Variants in SPG11 observed in about 807,000 individuals in gnomAD.
SPG11 encodes SPG11 vesicle trafficking associated, spatacsin.
A neutral mutation model predicts 274.0 loss-of-function variants in SPG11; 222 were observed. That is an observed-to-expected ratio of 0.81 (90% CI 0.73 to 0.91). SPG11 has a LOEUF of 0.91. Ranked by LOEUF, SPG11 falls within the 40% of genes least tolerant of loss-of-function variation. The pLI is 0.00. For synonymous variants in SPG11, 1,144 were observed against 1,039.7 expected, an observed-to-expected ratio of 1.10 and a Z score of -1.93; for missense variants, 3,114 against 2,872.7, an observed-to-expected ratio of 1.08 and a Z score of -1.92.
At position 44,598,246 on chromosome 15, in the gene SPG11, G is replaced by A. The variant is rs2083093591; in HGVS notation, c.4001+19C>T. 1.3e-6 allele frequency: 2 copies of A among 1,574,256 alleles called. No homozygotes were observed. Among genetic ancestry groups the A allele is most frequent in the Non-Finnish European group, 1.7e-6 (2 of 1,143,754 alleles). ...CAATAAGCTTGTTAGAAAAGAGGCT[G>A]AGACTGCAACTCACAAACCTCTTTA... On this transcript the variant is annotated intron_variant, in intron 23 of 39. Coordinates refer to ENST00000261866, the MANE Select transcript of SPG11 (RefSeq NM_025137.4).
Position 44,598,661 on chromosome 15 carries a change from C to T in SPG11, c.3862G>A (p.Ala1288Thr). 1.2e-6 allele frequency: 2 copies of T among 1,614,218 alleles called. No individual in the cohort carries two copies. The highest frequency in any genetic ancestry group is 1.7e-6 in the Non-Finnish European group (2 of 1,180,028). ...GACTCTCTGATAAAGCTGTACTGAG[C>T]ATCTTCATTTCTGCACTTGTAGCTC... ...ILSYKCRNED[A>T]QYSFIRESVA... The change falls in exon 22 of 40, where the codon GCT becomes ACT. Residue 1288 changes from alanine to threonine, a missense_variant. Transcript: ENST00000261866.
At chr15:44,660,167 CAT>C (rs1181779563) in intron 2 of SPG11, among the ~76,000 whole-genome samples, 3 of 152,050 alleles carry the variant, frequency 2.0e-5, no homozygotes, top group African/African-American at 7.2e-5. Context: ...CAAAGTATTT[CAT>C]ATTTTGAAAT....
chr15:44,608,106 C>T (rs1471659983), intron 19 of SPG11, among the ~76,000 whole-genome samples: 1 of 152,116 alleles, frequency 6.6e-6, no homozygotes, highest in Non-Finnish European at 1.5e-5. Flanking sequence ...CCTTCATTTT[C>T]CTGGGGCATC....
rs776992288 is a variant in SPG11, at chr15:44,663,525, G to A, written c.123C>T (p.Leu41=). 2 of 1,597,728 alleles carry A rather than the reference G, an allele frequency of 1.3e-6. No homozygotes were observed. The highest frequency in any genetic ancestry group is 1.7e-6 in the Non-Finnish European group (2 of 1,173,150). ...GTGTGCGCAGCTGCGCCCGGGAGCC[G>A]AGCTGCCCCATCGCCTCGGCGGGGA... ...VPVPAEAMGQ[L]GSRAQLRTQP... The change falls in exon 1 of 40, where the codon CTC becomes CTT. Residue 41 remains leucine (L), a synonymous_variant. Coordinates refer to ENST00000261866, the MANE Select transcript of SPG11 (RefSeq NM_025137.4).
At chr15:44,625,688 T>A (rs2083878927) in intron 11 of SPG11, among the ~76,000 whole-genome samples, 1 of 152,148 alleles carries the variant, frequency 6.6e-6, no homozygotes, top group Non-Finnish European at 1.5e-5. Context: ...ATTTATTTAG[T>A]TACTTTTTGA....
At chr15:44,661,617 TA>T (rs917437879) in intron 1 of SPG11, among the ~76,000 whole-genome samples, 8 of 151,760 alleles carry the variant, frequency 5.3e-5, no homozygotes, top group East Asian at 1.9e-4. Context: ...CCTTATTAGG[TA>T]AAAAAAAGAC....
At position 44,622,324 on chromosome 15, in the gene SPG11, AT is replaced by A. The variant is rs1454768655; in HGVS notation, c.2339del (p.Asn780IlefsTer11). On this transcript the variant is annotated frameshift_variant, in exon 13 of 40. Coordinates refer to ENST00000261866, the MANE Select transcript of SPG11 (RefSeq NM_025137.4). LOFTEE classifies it high-confidence loss of function. ...TTCTTTTCTCTTTTTCAGAAAAATA[AT>A]TTTTTTCTTTTAAAATTTCAACCTT... ...DFLVEILKEK[N>X]YFSEKEKRTI... 7 of 1,554,870 alleles carry A rather than the reference AT, an allele frequency of 4.5e-6. No individual in the cohort carries two copies. Among genetic ancestry groups the A allele is most frequent in the Non-Finnish European group, 6.2e-6 (7 of 1,136,066 alleles).
Position 44,606,025 on chromosome 15 carries a change from C to T in SPG11, c.3520G>A (p.Asp1174Asn). 2 of 1,613,246 alleles carry T rather than the reference C, an allele frequency of 1.2e-6. No homozygotes were observed. Among genetic ancestry groups the T allele is most frequent in the South Asian group, 1.1e-5 (1 of 91,040 alleles). The change falls in exon 20 of 40, where the codon GAT (aspartate) becomes AAT (asparagine). Residue 1174 changes from aspartate to asparagine, a missense_variant and splice_region_variant. By Grantham distance (23) the Asp-to-Asn change is conservative. Transcript: ENST00000261866. ...WQSANTLAIG[D>N]AWSHLPHFSS... Reference sequence around the variant, plus strand: ...TCAAGAAGTACCCATGATGACTTACCTCCTATAGCTAGTGTGTTAGCAGAC... The same window carrying T: ...TCAAGAAGTACCCATGATGACTTACTTCCTATAGCTAGTGTGTTAGCAGAC...
rs543168435 is a variant in SPG11, at chr15:44,598,249, A to G, written c.4001+16T>C. The stretch of plus-strand genomic sequence containing the variant: ...TAAGCTTGTTAGAAAAGAGGCTGAG[A>G]CTGCAACTCACAAACCTCTTTATTT... On this transcript the variant is annotated intron_variant, in intron 23 of 39. Coordinates refer to ENST00000261866, the MANE Select transcript of SPG11 (RefSeq NM_025137.4). 1 of 1,580,662 alleles carries G rather than the reference A, an allele frequency of 6.3e-7. No homozygotes were observed. The highest frequency in any genetic ancestry group is 1.3e-5 in the African/African-American group (1 of 74,438).
At chr15:44,636,948 AAAAAAAAAAC>A (rs2084287957) in intron 7 of SPG11, among the ~76,000 whole-genome samples, 25 of 130,986 alleles carry the variant, frequency 1.9e-4, no homozygotes, top group Middle Eastern at 3.7e-3. Flanking sequence ...AAAAAAAAAA[AAAAAAAAAAC>A]AAAAAAAAAA....
intron 20 of SPG11, among the ~76,000 whole-genome samples, chr15:44,601,845 G>A (rs942217692): frequency 7.9e-5 from 12 of 151,926 alleles, no homozygotes; most frequent in South Asian, 4.1e-4. Context: ...AGGCATGAGC[G>A]TGAGCCACTG....
chr15:44,604,041 C>T, intron 20 of SPG11: 1 of 357,512 alleles, frequency 2.8e-6, no homozygotes, highest in Non-Finnish European at 5.5e-6. Context: ...CACTTACTAC[C>T]TATTTTTTAA....
intron 33 of SPG11, chr15:44,572,456 G>A (rs2082443602): frequency 1.8e-6 from 1 of 547,714 alleles, no homozygotes; most frequent in Non-Finnish European, 3.3e-6. Context: ...TAAGTATGTT[G>A]AGTAAAGGTT....
chr15:44,575,185 G>T, intron 30 of SPG11, 144 bp from the exon 31 acceptor site: 1 of 984,192 alleles, frequency 1.0e-6, no homozygotes, highest in Non-Finnish European at 1.5e-6. Flanking sequence ...TGCTGACAGG[G>T]CCCCACCTCA....
intron 2 of SPG11, 122 bp downstream of exon 2, chr15:44,660,307 GCCT>G: frequency 1.3e-6 from 1 of 773,716 alleles, no homozygotes; most frequent in South Asian, 1.5e-5. Flanking sequence ...AGCCCCATCT[GCCT>G]AGTGACTACT....
chr15:44,614,436 C>G (rs1462031884), intron 16 of SPG11, among the ~76,000 whole-genome samples: 1 of 152,196 alleles, frequency 6.6e-6, no homozygotes, highest in African/African-American at 2.4e-5. Context: ...ATTGCCCAGG[C>G]TGATCTTGAA....
chr15:44,606,018 GAC>G lies in SPG11; in HGVS notation c.3520+5_3520+6del. 3 of 1,612,448 alleles carry G rather than the reference GAC, an allele frequency of 1.9e-6. No individual in the cohort carries two copies. The highest frequency in any genetic ancestry group is 2.5e-6 in the Non-Finnish European group (3 of 1,178,710). On this transcript the variant is annotated splice_donor_5th_base_variant and intron_variant, in intron 20 of 39. Transcript: ENST00000261866. ...ACATGTCTCAAGAAGTACCCATGAT[GAC>G]TTACCTCCTATAGCTAGTGTGTTAG...
At position 44,621,953 on chromosome 15, in the gene SPG11, A is replaced by T. The variant is rs770685534; in HGVS notation, c.2445-19T>A. The T allele has an allele frequency of 2.3e-5, 28 of 1,211,138 alleles. No individual in the cohort carries two copies. The highest frequency in any genetic ancestry group is 7.6e-5 in the African/African-American group (5 of 65,642). The allele number at this position is 1,211,138 out of a possible 1,614,324, so 75.0% of individuals were successfully genotyped here. ...CCAGTACCTAAAAACAGTGATATAAATTTTTTTTTTTTTAATTTTGGAGAA... is the reference window on the plus strand; with the variant it reads ...CCAGTACCTAAAAACAGTGATATAATTTTTTTTTTTTTTAATTTTGGAGAA... On this transcript the variant is annotated intron_variant, in intron 13 of 39. Transcript: ENST00000261866.
intron 7 of SPG11, among the ~76,000 whole-genome samples, chr15:44,648,661 A>G (rs2084673470): frequency 6.6e-6 from 1 of 152,048 alleles, no homozygotes; most frequent in South Asian, 2.1e-4. Flanking sequence ...ATTATTTACT[A>G]TAATCTTATA....
Sources: gnomAD v4.1 joint callset for allele counts (sites outside exome capture counted in the v4.1 genomes callset) on GRCh38, gnomAD v4.1.1 for gene constraint, MANE v1.5 for transcripts, NCBI Gene and HGNC (gene_info 2026-07-23, HGNC 2026-07-21) for gene names.